The following C6orf89 variants were observed in gnomAD, a reference collection of about 807,000 sequenced individuals.
C6orf89 encodes bombesin receptor-activated protein C6orf89.
In C6orf89, 29 loss-of-function variants were observed where a neutral mutation model predicts 40.7. The ratio of observed to expected loss-of-function variants is 0.71; its 90% CI spans 0.53 to 0.97. The LOEUF is 0.97. Ranked by LOEUF, C6orf89 falls within the 50% of genes least tolerant of loss-of-function variation. C6orf89 has a pLI of 0.00. For missense variants in C6orf89, 392 were observed against 429.1 expected (o/e 0.91, Z 0.76); for synonymous variants, 165 against 152.2 (o/e 1.08, Z -0.62).
At chr6:36,908,132 G>A (rs946600282) in intron 4 of C6orf89, among the ~76,000 whole-genome samples, 24 of 152,282 alleles carry the variant, frequency 1.6e-4, no homozygotes, top group Non-Finnish European at 2.8e-4. Context: ...ATCCACCTTG[G>A]TGATCTCAGG....
chr6:36,880,539 G>C (rs1489896632), intron 2 of C6orf89, among the ~76,000 whole-genome samples: 1 of 152,032 alleles, frequency 6.6e-6, no homozygotes, highest in Non-Finnish European at 1.5e-5. Flanking sequence ...AATGCCTCTT[G>C]GTTCATGTAA....
At chr6:36,912,325 T>C (rs1028214048) in intron 4 of C6orf89, among the ~76,000 whole-genome samples, 1 of 152,220 alleles carries the variant, frequency 6.6e-6, no homozygotes, top group African/African-American at 2.4e-5. Flanking sequence ...AATTAAATGC[T>C]ATAACATGGG....
intron 1 of C6orf89, chr6:36,874,946 G>T: frequency 1.5e-6 from 1 of 664,324 alleles, no homozygotes. Context: ...AAGCTGGGGT[G>T]GGAGACGAGA....
At chr6:36,885,951 C>T (rs1774961714), upstream of C6orf89, 4 of 1,254,668 alleles carry the variant, frequency 3.2e-6, no homozygotes, top group Non-Finnish European at 4.0e-6. Flanking sequence ...CTCCCGGAAA[C>T]AGGAAGTTGC....
intron 1 of C6orf89, among the ~76,000 whole-genome samples, chr6:36,889,582 C>CAAAAAAAAAA (rs58417436): frequency 3.6e-5 from 5 of 140,506 alleles, no homozygotes; most frequent in African/African-American, 7.8e-5. Context: ...AAAACAAAAA[C>CAAAAAAAAAA]AAAAAAAAAA....
At chr6:36,911,142 C>T (rs949977693) in intron 4 of C6orf89, among the ~76,000 whole-genome samples, 14 of 152,104 alleles carry the variant, frequency 9.2e-5, no homozygotes, top group African/African-American at 3.4e-4. Context: ...TTAAAGGGAT[C>T]TCCACCTGGA....
At chr6:36,899,034 C>A (rs1761560092) in intron 2 of C6orf89, among the ~76,000 whole-genome samples, 1 of 152,116 alleles carries the variant, frequency 6.6e-6, no homozygotes, top group Non-Finnish European at 1.5e-5. Context: ...CAACACTGTG[C>A]ATAATCCATT....
intron 2 of C6orf89, 122 bp from the exon 3 acceptor site, chr6:36,899,304 G>A: frequency 2.7e-6 from 2 of 731,888 alleles, no homozygotes; most frequent in Admixed American, 2.4e-5. Flanking sequence ...GTATTGGTCT[G>A]TAGAGGATTG....
At position 36,913,858 on chromosome 6, in the gene C6orf89, T is replaced by TCA. The variant is rs576845458; in HGVS notation, c.404-426_404-425insCA. 0.02 allele frequency among the ~76,000 whole-genome samples: 3,052 copies of TCA among 152,338 alleles called. 201 individuals carry two copies. In the East Asian group the frequency reaches 0.26, roughly 13 times the overall value. ...AGCGGTCTCCAGTGCTTATCATTGT[T>TCA]TGTTTTTAAAAATTATTATGGGCTG... On this transcript the variant is annotated intron_variant, in intron 4 of 8. Coordinates refer to ENST00000480824, the MANE Select transcript of C6orf89 (RefSeq NM_001286635.2).
intron 1 of C6orf89, chr6:36,874,724 C>T: frequency 6.2e-7 from 1 of 1,614,152 alleles, no homozygotes; most frequent in Admixed American, 1.7e-5. Context: ...CACCTGGTCT[C>T]CAAGTAAACG....
chr6:36,895,510 T>G (rs1761389946), intron 2 of C6orf89, among the ~76,000 whole-genome samples: 1 of 152,204 alleles, frequency 6.6e-6, no homozygotes, highest in Non-Finnish European at 1.5e-5. Context: ...CTCTATAGAT[T>G]TGCCTATTCC....
intron 8 of C6orf89, among the ~76,000 whole-genome samples, chr6:36,921,119 C>T (rs1385456161): frequency 6.6e-6 from 1 of 151,754 alleles, no homozygotes; most frequent in African/African-American, 2.4e-5. Flanking sequence ...GAAAGGACCC[C>T]TATAGTTGGC....
At chr6:36,881,379 A>C (rs1774802647), upstream of C6orf89, among the ~76,000 whole-genome samples, 1 of 152,242 alleles carries the variant, frequency 6.6e-6, no homozygotes, top group African/African-American at 2.4e-5. Flanking sequence ...GTTTATAAAA[A>C]TTAATTATAG....
At chr6:36,903,333 G>A (rs1437958399) in intron 4 of C6orf89, among the ~76,000 whole-genome samples, 3 of 152,140 alleles carry the variant, frequency 2.0e-5, no homozygotes, top group Non-Finnish European at 4.4e-5. Flanking sequence ...AGAATAATAT[G>A]TGTATTAATA....
Position 36,927,868 on chromosome 6 carries a change from G to C in C6orf89, c.*4427G>C, listed in dbSNP as rs912294759. The stretch of plus-strand genomic sequence containing the variant: ...ACCCCCAGTCTCCACATCCCCAGCA[G>C]CCTCTTCCAGAAGCATGTCAGGGAG... On this transcript the variant is annotated 3_prime_UTR_variant, in exon 9 of 9. Coordinates refer to ENST00000480824, the MANE Select transcript of C6orf89 (RefSeq NM_001286635.2). 1 of 152,316 alleles carries C rather than the reference G, an allele frequency of 6.6e-6. No individual in the cohort carries two copies. Among genetic ancestry groups the C allele is most frequent in the Non-Finnish European group, 1.5e-5 (1 of 68,096 alleles). The allele number at this position is 152,316 out of a possible 1,614,324, so 9.4% of individuals were successfully genotyped here. A position where few individuals can be genotyped will look rare whatever the true frequency, so the allele number is the denominator to read the frequency against.
At chr6:36,873,803 C>T (rs894915227) in intron 1 of C6orf89, among the ~76,000 whole-genome samples, 1 of 152,174 alleles carries the variant, frequency 6.6e-6, no homozygotes, top group African/African-American at 2.4e-5. Flanking sequence ...AGGACCTTGG[C>T]TGGTCCCTGG....
At chr6:36,920,714 A>G (rs1382994472) in intron 8 of C6orf89, among the ~76,000 whole-genome samples, 2 of 152,244 alleles carry the variant, frequency 1.3e-5, no homozygotes, top group Non-Finnish European at 2.9e-5. Flanking sequence ...GAAACTTCCT[A>G]CAAAAACGAG....
In C6orf89 at chr6:36,923,980, CT is replaced by C. The variant is rs1762600782; in HGVS notation, c.*542del. ...GAAACAGTGAAAAAAGTTCAGATAA[CT>C]TTGAATTGCATTCAAGAAGTACACT... On this transcript the variant is annotated 3_prime_UTR_variant, in exon 9 of 9. Transcript: ENST00000480824. 1 of 191,134 alleles carries C rather than the reference CT, an allele frequency of 5.2e-6. No homozygotes were observed. The highest frequency in any genetic ancestry group is 1.1e-5 in the Non-Finnish European group (1 of 90,168). 11.8% of individuals were successfully genotyped at this position (191,134 alleles called of 1,614,324 possible).
At chr6:36,908,255 C>G (rs1222445017) in intron 4 of C6orf89, among the ~76,000 whole-genome samples, 3 of 151,588 alleles carry the variant, frequency 2.0e-5, no homozygotes, top group African/African-American at 7.3e-5. Context: ...ACTTCCCTTC[C>G]TTCTTTGCGG....
Sources: gnomAD v4.1 joint callset for allele counts (sites outside exome capture counted in the v4.1 genomes callset) on GRCh38, gnomAD v4.1.1 for gene constraint, MANE v1.5 for transcripts, NCBI Gene and HGNC (gene_info 2026-07-23, HGNC 2026-07-21) for gene names.